The following EML5 variants were observed in gnomAD, a reference collection of about 807,000 sequenced individuals.
The protein encoded by EML5 is EMAP like 5.
In EML5, 120 loss-of-function variants were observed where a neutral mutation model predicts 250.0. The observed-to-expected ratio is 0.48, with a 90% CI of 0.41 to 0.56. EML5 has a LOEUF of 0.56. EML5 is among the 20% of genes least tolerant of loss of function. EML5 has a pLI of 0.00. For synonymous variants in EML5, 771 were observed against 806.5 expected (o/e 0.96, Z 0.75); for missense variants, 2,006 against 2,437.6 (o/e 0.82, Z 3.73).
chr14:88,657,613 A>G, intron 26 of EML5, 111 bp from the exon 27 acceptor site: 1 of 1,066,062 alleles, frequency 9.4e-7, no homozygotes. Context: ...AGTTGTTATA[A>G]GCAAATTATG....
In EML5 at chr14:88,789,980, C is replaced by T. The variant is rs957760004; in HGVS notation, c.197+2327G>A. Among the ~76,000 whole-genome samples the T allele has an allele frequency of 3.9e-5, 6 of 152,200 alleles. No individual in the cohort carries two copies. In the East Asian group the frequency reaches 5.8e-4, roughly 15 times the overall value. On this transcript the variant is annotated intron_variant, in intron 1 of 43. Transcript: ENST00000554922. ...AAGGTTACAGCAACATTGGTTTTCA[C>T]TATGCATCACATTTGTGAATATTAC...
In EML5 at chr14:88,792,156, A is replaced by T; in HGVS notation, c.197+151T>A. 1.1e-6 allele frequency: 1 copy of T among 888,976 alleles called. No individual in the cohort carries two copies. The highest frequency in any genetic ancestry group is 1.7e-6 in the Non-Finnish European group (1 of 605,412). 55.1% of individuals were successfully genotyped at this position (888,976 alleles called of 1,614,324 possible). ...AGGGGAAAGGCATTTGTAGGGTGTT[A>T]ACTGGTGGACTCGGGACCAGAGAGA... On this transcript the variant is annotated intron_variant, in intron 1 of 43. Transcript: ENST00000554922. This position sits in a 1 kb window ranked among gnomAD's most constrained non-coding sequence, Gnocchi z 6.9.
intron 21 of EML5, among the ~76,000 whole-genome samples, chr14:88,673,066 C>A (rs550093609): frequency 6.6e-6 from 1 of 152,058 alleles, no homozygotes; most frequent in Admixed American, 6.6e-5. Context: ...ATACCAAAAC[C>A]TGGCAGAGAT....
At position 88,663,021 on chromosome 14, in the gene EML5, G is replaced by C; in HGVS notation, c.3498+10C>G. 27 of 1,545,154 alleles carry C rather than the reference G, an allele frequency of 1.7e-5. No individual in the cohort carries two copies. The highest frequency in any genetic ancestry group is 2.5e-5 in the East Asian group (1 of 40,782). Reference sequence around the variant, plus strand: ...CATGAACAACACTGCAAGCACCACTGTTGTCCTACCTCCACGCTGGGGATG... The same window carrying C: ...CATGAACAACACTGCAAGCACCACTCTTGTCCTACCTCCACGCTGGGGATG... On this transcript the variant is annotated intron_variant, in intron 24 of 43. Coordinates refer to ENST00000554922, the MANE Select transcript of EML5 (RefSeq NM_183387.3).
intron 1 of EML5, among the ~76,000 whole-genome samples, chr14:88,780,576 T>C (rs1162406426): frequency 6.6e-6 from 1 of 151,948 alleles, no homozygotes; most frequent in African/African-American, 2.4e-5. Flanking sequence ...AAAAAATCTT[T>C]TTTTTTTTCT....
intron 32 of EML5, among the ~76,000 whole-genome samples, chr14:88,638,409 C>A (rs2090858644): frequency 6.6e-6 from 1 of 152,294 alleles, no homozygotes; most frequent in Admixed American, 6.5e-5. Flanking sequence ...CCTGAACCCC[C>A]ACGGAAGCAG....
At chr14:88,687,495 T>C (rs907041689) in intron 18 of EML5, among the ~76,000 whole-genome samples, 168 bp from the exon 19 acceptor site, 3 of 152,180 alleles carry the variant, frequency 2.0e-5, no homozygotes, top group African/African-American at 7.2e-5. Flanking sequence ...ACCGTCTACA[T>C]GGAATCTGCA....
intron 41 of EML5, chr14:88,617,780 G>T (rs2087969237): frequency 6.5e-6 from 1 of 153,680 alleles, no homozygotes; most frequent in South Asian, 2.0e-4. Context: ...ACAGGAATTT[G>T]ATGGCATTTT....
At chr14:88,674,527 G>A (rs1183756674) in intron 21 of EML5, among the ~76,000 whole-genome samples, 4 of 151,952 alleles carry the variant, frequency 2.6e-5, no homozygotes, top group East Asian at 3.9e-4. Flanking sequence ...GGAAAGACCC[G>A]CCCCCATGAT....
chr14:88,738,797 C>A (rs1457654262), intron 6 of EML5, 82 bp downstream of exon 6: 1 of 1,427,686 alleles, frequency 7.0e-7, no homozygotes, highest in African/African-American at 1.5e-5. Flanking sequence ...ACAAAACTTA[C>A]ATTTATACTC....
chr14:88,637,315 G>A (rs1250966399), intron 32 of EML5, among the ~76,000 whole-genome samples: 1 of 152,142 alleles, frequency 6.6e-6, no homozygotes, highest in Non-Finnish European at 1.5e-5. Context: ...TGGAAAGAAA[G>A]AGGAGGGATA....
intron 32 of EML5, 145 bp downstream of exon 32, chr14:88,638,664 T>A: frequency 1.5e-6 from 1 of 669,090 alleles, no homozygotes; most frequent in South Asian, 2.0e-5. Flanking sequence ...GCAAATAATA[T>A]GGTATAATTG....
intron 5 of EML5, among the ~76,000 whole-genome samples, chr14:88,740,027 C>T (rs372070923): frequency 8.5e-5 from 13 of 152,076 alleles, no homozygotes; most frequent in African/African-American, 1.4e-4. Flanking sequence ...GTTATTTACA[C>T]GAAAATTTAA....
chr14:88,712,452 T>A lies in EML5; in HGVS notation c.1476A>T (p.Ile492=), dbSNP rs1470955310. ...TCCATGAAGCCCAATGAACACCTTT[T>A]ATTTCTTCTGTACTTGTCACTTCCT... ...GGKEVTSTEE[I]KGVHWASWTC... Residue 492 remains isoleucine (I), a synonymous_variant, in exon 10 of 44, where the codon ATA becomes ATT. Coordinates refer to ENST00000554922, the MANE Select transcript of EML5 (RefSeq NM_183387.3). 6.2e-7 allele frequency: 1 copy of A among 1,613,548 alleles called. No homozygotes were observed. The highest frequency in any genetic ancestry group is 8.5e-7 in the Non-Finnish European group (1 of 1,179,618).
intron 6 of EML5, 30 bp from the exon 7 acceptor site, chr14:88,736,595 T>C: frequency 1.3e-6 from 2 of 1,599,720 alleles, no homozygotes; most frequent in South Asian, 1.1e-5. Flanking sequence ...ATTTAATATA[T>C]AATGCTGTAA....
At chr14:88,779,767 G>A (rs1286232602) in intron 1 of EML5, among the ~76,000 whole-genome samples, 1 of 152,140 alleles carries the variant, frequency 6.6e-6, no homozygotes, top group Non-Finnish European at 1.5e-5. Context: ...TCTGGGACTT[G>A]CTATCTATAC....
chr14:88,723,121 G>A (rs2093615843), intron 8 of EML5, among the ~76,000 whole-genome samples: 2 of 152,054 alleles, frequency 1.3e-5, no homozygotes, highest in South Asian at 2.1e-4. Context: ...TCTTAAAAAG[G>A]AAGAAAATTA....
intron 5 of EML5, among the ~76,000 whole-genome samples, chr14:88,739,960 G>C (rs1165010992): frequency 2.0e-5 from 3 of 152,044 alleles, no homozygotes; most frequent in African/African-American, 7.2e-5. Flanking sequence ...CTGCTAAAAA[G>C]CTCAAACCAA....
Position 88,616,079 on chromosome 14 carries a change from GTTGTA to G in EML5, c.5897+58_5897+62del, listed in dbSNP as rs150082230. On this transcript the variant is annotated intron_variant, in intron 43 of 43. Coordinates refer to ENST00000554922, the MANE Select transcript of EML5 (RefSeq NM_183387.3). The stretch of plus-strand genomic sequence containing the variant: ...TTCATAAACCAAAGCTGTAGGAGTT[GTTGTA>G]TTAAGTCTCTTAACTAGTAACATAG... 1.8e-4 allele frequency: 281 copies of G among 1,536,684 alleles called. 2 individuals carry two copies. The East Asian group carries it at 6.2e-3, about 34-fold the overall frequency.
Sources: allele counts gnomAD v4.1 joint callset (sites outside exome capture counted in the v4.1 genomes callset), GRCh38; gene constraint gnomAD v4.1.1; non-coding constraint Gnocchi (gnomAD v3.1); transcripts MANE v1.5; gene names NCBI Gene and HGNC (gene_info 2026-07-23, HGNC 2026-07-21).